Variants in RUSC2 observed in about 807,000 individuals in gnomAD.
RUSC2 encodes the protein RUN and SH3 domain containing 2.
RUSC2 carries 34 observed loss-of-function variants against 122.2 expected under a neutral mutation model. The observed-to-expected ratio is 0.28, with a 90% CI of 0.21 to 0.37. The LOEUF is 0.37. RUSC2 is among the 10% of genes least tolerant of loss of function. The probability of loss-of-function intolerance (pLI) is 1.00; values close to 1 mark genes in which losing one functional copy is unlikely to be tolerated. For synonymous variants in RUSC2, 784 were observed against 790.0 expected, an observed-to-expected ratio of 0.99 and a Z score of 0.13; for missense variants, 1,747 against 1,952.4, an observed-to-expected ratio of 0.89 and a Z score of 1.98.
At chr9:35,508,919 T>C (rs1820965496) in intron 1 of RUSC2, among the ~76,000 whole-genome samples, 1 of 152,114 alleles carries the variant, frequency 6.6e-6, no homozygotes, top group African/African-American at 2.4e-5. Context: ...AAGAGTCCAC[T>C]CAGCACCCAG....
chr9:35,556,223 G>A (rs903715640), intron 4 of RUSC2, 85 bp from the exon 5 acceptor site: 26 of 1,596,756 alleles, frequency 1.6e-5, no homozygotes, highest in African/African-American at 5.4e-5. Context: ...CCAAAGGAAC[G>A]TGTCTCAGAC....
intron 1 of RUSC2, among the ~76,000 whole-genome samples, chr9:35,534,419 T>TACACACACACACAC (rs55836338): frequency 2.2e-4 from 31 of 141,020 alleles, no homozygotes; most frequent in African/African-American, 6.7e-4. Context: ...CTACAAATAA[T>TACACACACACACAC]ACACACACAC....
At position 35,547,837 on chromosome 9, in the gene RUSC2, C is replaced by T. The variant is rs1488859054; in HGVS notation, c.1316C>T (p.Pro439Leu). ...CCAGGCCCTGGCCCAGACCCAGGCC[C>T]CAGCCAGCCCTCTGAGTATTACCTA... ...PPPGPGPDPG[P>L]SQPSEYYLFQ... The change falls in exon 2 of 12, where the codon CCC becomes CTC. Residue 439 changes from proline (P) to leucine (L), a missense_variant. Physicochemically the swap from Pro to Leu is moderately conservative, Grantham distance 98. Coordinates refer to ENST00000361226, the MANE Select transcript of RUSC2 (RefSeq NM_014806.5). This position sits in a 1 kb window ranked among gnomAD's most constrained non-coding sequence, Gnocchi z 4.6. The T allele has an allele frequency of 6.2e-7, 1 of 1,614,120 alleles. No homozygotes were observed. Among genetic ancestry groups the T allele is most frequent in the East Asian group, 2.2e-5 (1 of 44,898 alleles).
intron 1 of RUSC2, among the ~76,000 whole-genome samples, chr9:35,493,038 T>C (rs922031493): frequency 1.4e-4 from 21 of 152,138 alleles, no homozygotes; most frequent in African/African-American, 4.3e-4. Flanking sequence ...GGGTTTGTTA[T>C]ATAGATAAAC....
chr9:35,544,684 G>A (rs1018645328), intron 1 of RUSC2, among the ~76,000 whole-genome samples: 4 of 151,768 alleles, frequency 2.6e-5, no homozygotes, highest in African/African-American at 9.7e-5. Flanking sequence ...TATATGATTT[G>A]CAAATATTTT....
chr9:35,524,698 G>A (rs184392757), intron 1 of RUSC2, among the ~76,000 whole-genome samples: 1 of 152,122 alleles, frequency 6.6e-6, no homozygotes, highest in African/African-American at 2.4e-5. Context: ...CAGGCCGGGT[G>A]CAGTGGCTCA....
intron 1 of RUSC2, among the ~76,000 whole-genome samples, chr9:35,545,209 T>C (rs1194792545): frequency 6.6e-6 from 1 of 152,178 alleles, no homozygotes; most frequent in Non-Finnish European, 1.5e-5. Flanking sequence ...TTTAAGAAAT[T>C]GATTGTGTCA....
At chr9:35,561,149 G>A (rs966032032) in intron 11 of RUSC2, 32 bp from the exon 12 acceptor site, 18 of 1,613,308 alleles carry the variant, frequency 1.1e-5, no homozygotes, top group Middle Eastern at 1.6e-4. Flanking sequence ...TTTTGAGGGG[G>A]TTTCTCTGAC....
chr9:35,492,644 G>GT (rs1356164488), intron 1 of RUSC2, among the ~76,000 whole-genome samples: 53 of 151,018 alleles, frequency 3.5e-4, no homozygotes, highest in African/African-American at 1.3e-3. Context: ...AGCAGAACCT[G>GT]TGCTGTACCA....
chr9:35,495,349 A>G lies in RUSC2; in HGVS notation c.-93+5177A>G, dbSNP rs549730181. 1.9e-4 allele frequency among the ~76,000 whole-genome samples: 28 copies of G among 145,266 alleles called. No individual in the cohort carries two copies. In the South Asian group the frequency reaches 5.9e-3, roughly 31 times the overall value. Reference sequence around the variant, plus strand: ...CCATTTTGAGTTAATTTTTGTATGTAATGTAAGATAAGGGTCTAACTTATT... The same window carrying G: ...CCATTTTGAGTTAATTTTTGTATGTGATGTAAGATAAGGGTCTAACTTATT... On this transcript the variant is annotated intron_variant, in intron 1 of 11. Coordinates refer to ENST00000361226, the MANE Select transcript of RUSC2 (RefSeq NM_014806.5).
At chr9:35,504,536 G>A (rs1301752951) in intron 1 of RUSC2, among the ~76,000 whole-genome samples, 2 of 151,412 alleles carry the variant, frequency 1.3e-5, no homozygotes, top group Non-Finnish European at 2.9e-5. Flanking sequence ...CACAATCTCG[G>A]CTCACCGCAA....
chr9:35,560,695 T>C lies in RUSC2; in HGVS notation c.4055T>C (p.Val1352Ala). 1 of 1,562,248 alleles carries C rather than the reference T, an allele frequency of 6.4e-7. No individual in the cohort carries two copies. Among genetic ancestry groups the C allele is most frequent in the Non-Finnish European group, 8.7e-7 (1 of 1,153,150 alleles). ...TGGATGGGGAGCCCCCCTGACTCTG[T>C]GCTGGCCGAGCTGAGGCGCAGTCGG... is the stretch of plus-strand genomic sequence containing the variant. ...PFWMGSPPDS[V>A]LAELRRSRER... The change falls in exon 10 of 12, where the codon GTG becomes GCG. Residue 1352 changes from valine (V) to alanine (A), a missense_variant. Transcript: ENST00000361226.
intron 1 of RUSC2, among the ~76,000 whole-genome samples, chr9:35,535,722 A>G (rs1443630223): frequency 2.6e-5 from 4 of 151,206 alleles, no homozygotes; most frequent in African/African-American, 9.7e-5. Flanking sequence ...TTGTATTTTT[A>G]GTAGAGACGG....
chr9:35,561,377 A>C lies in RUSC2; in HGVS notation c.4546A>C (p.Asn1516His). Reference sequence around the variant, plus strand: ...AAGTCCAACCCCTGGAAGCAGCCAAAACTGAGGCCCTGTGCATGCTGGTGG... The same window carrying C: ...AAGTCCAACCCCTGGAAGCAGCCAACACTGAGGCCCTGTGCATGCTGGTGG... ...TPSPTPGSSQ[N>H] The change falls in exon 12 of 12, where the codon AAC (asparagine) becomes CAC (histidine). Residue 1516 changes from asparagine (N) to histidine (H), a missense_variant. Asn to His is a moderately conservative substitution (Grantham distance 68). Transcript: ENST00000361226. 1 of 1,610,578 alleles carries C rather than the reference A, an allele frequency of 6.2e-7. No homozygotes were observed. The highest frequency in any genetic ancestry group is 1.7e-5 in the Admixed American group (1 of 59,654).
chr9:35,560,844 A>C lies in RUSC2; in HGVS notation c.4204A>C (p.Thr1402Pro). 6.5e-7 allele frequency: 1 copy of C among 1,535,946 alleles called. No homozygotes were observed. Among genetic ancestry groups the C allele is most frequent in the Middle Eastern group, 1.8e-4 (1 of 5,678 alleles). ...SRKAQREARPTNRLPSDWLSL... is the reference protein window; with the variant it reads ...SRKAQREARPPNRLPSDWLSL... ...AAAAGCCCAGCGGGAGGCCCGGCCC[A>C]CAAATAGGTGAGAGCCTGCCCATGG... Residue 1402 changes from threonine (T) to proline (P), a missense_variant, in exon 10 of 12, where the codon ACA becomes CCA. Transcript: ENST00000361226.
At chr9:35,535,288 G>C (rs1396946551) in intron 1 of RUSC2, among the ~76,000 whole-genome samples, 2 of 151,684 alleles carry the variant, frequency 1.3e-5, no homozygotes, top group African/African-American at 4.8e-5. Flanking sequence ...GCTAATTTTT[G>C]TATTTTTAGT....
intron 1 of RUSC2, among the ~76,000 whole-genome samples, chr9:35,518,299 T>A (rs1329120993): frequency 6.6e-6 from 1 of 152,234 alleles, no homozygotes; most frequent in Non-Finnish European, 1.5e-5. Context: ...AGAGTCACTG[T>A]TCCTGTGTGC....
intron 1 of RUSC2, among the ~76,000 whole-genome samples, chr9:35,518,119 T>G (rs1255249371): frequency 6.6e-6 from 1 of 152,202 alleles, no homozygotes; most frequent in Non-Finnish European, 1.5e-5. Flanking sequence ...ATCTGGTTGT[T>G]TCTAAGGCTG....
At chr9:35,510,914 C>A (rs1307780273) in intron 1 of RUSC2, among the ~76,000 whole-genome samples, 1 of 152,196 alleles carries the variant, frequency 6.6e-6, no homozygotes, top group Non-Finnish European at 1.5e-5. Flanking sequence ...GCTGTCCCCA[C>A]TGAACCCAGT....
Sources: allele counts gnomAD v4.1 joint callset (sites outside exome capture counted in the v4.1 genomes callset), GRCh38; gene constraint gnomAD v4.1.1; non-coding constraint Gnocchi (gnomAD v3.1); transcripts MANE v1.5; gene names NCBI Gene and HGNC (gene_info 2026-07-23, HGNC 2026-07-21).